The following DHX30 variants were observed in gnomAD, a reference collection of about 807,000 sequenced individuals.
DHX30 encodes the protein DExH-box helicase 30, also known as ATP-dependent RNA helicase DHX30.
A neutral mutation model predicts 116.9 loss-of-function variants in DHX30; 4 were observed. That is an observed-to-expected ratio of 0.03 (90% CI 0.02 to 0.08). The LOEUF (loss-of-function observed/expected upper bound fraction) is 0.08, where lower values mean the gene tolerates loss of function less well. Among genes scored for constraint, DHX30 ranks in the 10% least tolerant of loss-of-function variants. The pLI, the probability that DHX30 is intolerant of heterozygous loss-of-function variation, is 1.00. For synonymous variants in DHX30, 697 were observed against 651.7 expected (o/e 1.07, Z -1.06); for missense variants, 871 against 1,595.1 (o/e 0.55, Z 7.73).
At chr3:47,840,345 T>C (rs1225092754) in intron 6 of DHX30, among the ~76,000 whole-genome samples, 2 of 151,644 alleles carry the variant, frequency 1.3e-5, no homozygotes, top group African/African-American at 4.8e-5. Context: ...TAGATCATTA[T>C]GTGAATGTAT....
rs1352130982 is a variant in DHX30 at position 47,847,239 on chromosome 3, G to A, written c.1930-34G>A. The A allele has an allele frequency of 5.6e-6, 9 of 1,613,786 alleles. No homozygotes were observed. Among genetic ancestry groups the A allele is most frequent in the Non-Finnish European group, 7.6e-6 (9 of 1,179,792 alleles). On this transcript the variant is annotated intron_variant, in intron 11 of 21. Transcript: ENST00000445061. The surrounding 1 kb of genome is among the most constrained non-coding windows in gnomAD (Gnocchi z 5.5). ...TCCTTGGCATGACCCCTTACCCCGG[G>A]GCTGTGACTGTGGCCTCTCTTCCCC...
At position 47,841,960 on chromosome 3, in the gene DHX30, G is replaced by T. The variant is rs2037394900; in HGVS notation, c.789+223G>T. The T allele has an allele frequency of 5.1e-6, 3 of 589,456 alleles. No homozygotes were observed. In the South Asian group the frequency reaches 5.9e-5, roughly 12 times the overall value. The allele number at this position is 589,456 out of a possible 1,614,324, so 36.5% of individuals were successfully genotyped here. A position where few individuals can be genotyped will look rare whatever the true frequency, so the allele number is the denominator to read the frequency against. ...GGGCTTGGGGGCCGCAAGAGCAGAA[G>T]ACCCATACCTCTTCTGGGCGGTGGA... On this transcript the variant is annotated intron_variant, in intron 8 of 21. Coordinates refer to ENST00000445061, the MANE Select transcript of DHX30 (RefSeq NM_138615.3).
rs777575503 is a variant in DHX30 at position 47,829,029 on chromosome 3, C to G, written c.261C>G (p.Val87=). 37 of 1,605,364 alleles carry G rather than the reference C, an allele frequency of 2.3e-5. No individual in the cohort carries two copies. The highest frequency in any genetic ancestry group is 5.0e-5 in the Admixed American group (3 of 59,574). ...VHTNGPKKKK[V]TLHIKWPKSV... Reference sequence around the variant, plus strand: ...TTCTCTCTTCTCTTCCCCAGAAAGTCACACTGCACATAAAATGGCCCAAGA... The same window carrying G: ...TTCTCTCTTCTCTTCCCCAGAAAGTGACACTGCACATAAAATGGCCCAAGA... The change falls in exon 6 of 22, where the codon GTC becomes GTG. Residue 87 remains valine (V), a synonymous_variant. Coordinates refer to ENST00000445061, the MANE Select transcript of DHX30 (RefSeq NM_138615.3).
intron 4 of DHX30, chr3:47,825,136 C>G: frequency 1.5e-6 from 1 of 673,932 alleles, no homozygotes; most frequent in East Asian, 3.0e-5. Flanking sequence ...GGGTCGCTCG[C>G]GCGGCTTCTC....
chr3:47,847,670 T>C lies in DHX30; in HGVS notation c.2111-111T>C, dbSNP rs567688247. 4 of 1,478,976 alleles carry C rather than the reference T, an allele frequency of 2.7e-6. No homozygotes were observed. The Admixed American group carries it at 8.5e-5, about 32-fold the overall frequency. The allele number at this position is 1,478,976 out of a possible 1,614,324, so 91.6% of individuals were successfully genotyped here. A position where few individuals can be genotyped will look rare whatever the true frequency, so the allele number is the denominator to read the frequency against. On this transcript the variant is annotated intron_variant, in intron 13 of 21. Transcript: ENST00000445061. The surrounding 1 kb of genome is among the most constrained non-coding windows in gnomAD (Gnocchi z 5.5). ...GGCACTTTTCACTGGGCATAGTGTTTATCTGCGCCTGTTTCATCAAAATGG... is the reference window on the plus strand; with the variant it reads ...GGCACTTTTCACTGGGCATAGTGTTCATCTGCGCCTGTTTCATCAAAATGG...
At position 47,848,199 on chromosome 3, in the gene DHX30, T is replaced by C. The variant is rs764012669; in HGVS notation, c.2306T>C (p.Val769Ala). ...LKTKVSCLETVWVSRANVIQR... is the reference protein window; with the variant it reads ...LKTKVSCLETAWVSRANVIQR... ...CTCCAGGTGTCCTGCCTGGAGACAGTGTGGGTATCAAGAGCCAATGTGATC... is the reference window on the plus strand; with the variant it reads ...CTCCAGGTGTCCTGCCTGGAGACAGCGTGGGTATCAAGAGCCAATGTGATC... The change falls in exon 15 of 22, where the codon GTG becomes GCG. Residue 769 changes from valine (V) to alanine (A), a missense_variant. Physicochemically the swap from Val to Ala is moderately conservative, Grantham distance 64. Transcript: ENST00000445061. The surrounding 1 kb of genome is among the most constrained non-coding windows in gnomAD (Gnocchi z 9.4). 1 of 1,613,682 alleles carries C rather than the reference T, an allele frequency of 6.2e-7. No homozygotes were observed. Among genetic ancestry groups the C allele is most frequent in the Non-Finnish European group, 8.5e-7 (1 of 1,180,026 alleles).
chr3:47,812,846 T>G (rs2035864500), intron 3 of DHX30, among the ~76,000 whole-genome samples: 3 of 151,382 alleles, frequency 2.0e-5, no homozygotes, highest in African/African-American at 7.2e-5. Context: ...GTATTTTTAG[T>G]AGAGATGGGA....
chr3:47,827,787 A>G (rs903077980), intron 5 of DHX30, among the ~76,000 whole-genome samples: 1 of 152,194 alleles, frequency 6.6e-6, no homozygotes, highest in African/African-American at 2.4e-5. Flanking sequence ...TCTTGCCCTT[A>G]CAGTCTTATA....
intron 1 of DHX30, among the ~76,000 whole-genome samples, chr3:47,804,209 C>T (rs568118122): frequency 6.6e-6 from 1 of 152,312 alleles, no homozygotes; most frequent in South Asian, 2.1e-4. Context: ...GGCTCTTTAT[C>T]CCTAAAAGAT....
chr3:47,828,706 C>T (rs1441330343), intron 5 of DHX30, among the ~76,000 whole-genome samples: 1 of 149,586 alleles, frequency 6.7e-6, no homozygotes, highest in Non-Finnish European at 1.5e-5. Flanking sequence ...ACAGTGCAGC[C>T]TGGGCAACAG....
intron 6 of DHX30, among the ~76,000 whole-genome samples, 181 bp downstream of exon 6, chr3:47,829,315 T>TATATATATATATATATA (rs869292091): frequency 3.0e-5 from 1 of 32,850 alleles, no homozygotes; most frequent in African/African-American, 1.3e-4. Flanking sequence ...TATATATATA[T>TATATATATATATATATA]TTTTTTTTTT....
At chr3:47,814,856 T>A (rs1290444672) in intron 3 of DHX30, among the ~76,000 whole-genome samples, 4 of 151,988 alleles carry the variant, frequency 2.6e-5, no homozygotes, top group Non-Finnish European at 2.9e-5. Flanking sequence ...TTTTGTTCTG[T>A]ATTTTTTTAA....
At chr3:47,825,012 C>T (rs1302848620) in intron 4 of DHX30, 4 of 617,218 alleles carry the variant, frequency 6.5e-6, no homozygotes, top group African/African-American at 5.8e-5. Context: ...CCCTGCCGCG[C>T]ACAGGCCTCG....
At chr3:47,818,282 A>T (rs2036147645) in intron 4 of DHX30, among the ~76,000 whole-genome samples, 165 bp downstream of exon 4, 1 of 152,122 alleles carries the variant, frequency 6.6e-6, no homozygotes, top group Admixed American at 6.5e-5. Flanking sequence ...TACTTGGAAA[A>T]GTCTGGATTT....
intron 9 of DHX30, among the ~76,000 whole-genome samples, chr3:47,845,187 C>G (rs772156351): frequency 3.3e-5 from 5 of 152,018 alleles, no homozygotes; most frequent in Non-Finnish European, 5.9e-5. Flanking sequence ...CTTGAATTAA[C>G]TTTATTATTA....
At chr3:47,845,961 CA>C in intron 10 of DHX30, 109 bp downstream of exon 10, 1 of 1,490,592 alleles carries the variant, frequency 6.7e-7, no homozygotes, top group Non-Finnish European at 9.0e-7. Flanking sequence ...CCATTCTCTT[CA>C]CTGAGTTTGG....
At chr3:47,806,930 G>C (rs994017648) in intron 2 of DHX30, among the ~76,000 whole-genome samples, 1 of 151,940 alleles carries the variant, frequency 6.6e-6, no homozygotes, top group Non-Finnish European at 1.5e-5. Flanking sequence ...CATTATGGCC[G>C]GTCGTGGTGG....
At chr3:47,809,334 T>G (rs1031610357) in intron 2 of DHX30, among the ~76,000 whole-genome samples, 2 of 133,112 alleles carry the variant, frequency 1.5e-5, no homozygotes, top group Admixed American at 9.1e-5. Flanking sequence ...CTCTGCCTCC[T>G]GGGTTCACGC....
At chr3:47,842,034 TTC>T (rs920470558) in intron 8 of DHX30, 6 of 330,704 alleles carry the variant, frequency 1.8e-5, no homozygotes, top group African/African-American at 6.4e-5. Context: ...AGGTATGAAT[TTC>T]TCTCTTGCTG....
Sources: allele counts gnomAD v4.1 joint callset (sites outside exome capture counted in the v4.1 genomes callset), GRCh38; gene constraint gnomAD v4.1.1; non-coding constraint Gnocchi (gnomAD v3.1); transcripts MANE v1.5; gene names NCBI Gene and HGNC (gene_info 2026-07-23, HGNC 2026-07-21).